CDH3: variants seen among roughly 807,000 people sequenced by gnomAD.
CDH3 encodes cadherin-3.
Under a neutral mutation model 82.0 loss-of-function variants are expected in CDH3, and 54 were observed. The ratio of observed to expected loss-of-function variants is 0.66; its 90% confidence interval spans 0.53 to 0.83. CDH3 has a LOEUF of 0.83. Among genes scored for constraint, CDH3 ranks in the 40% least tolerant of loss-of-function variants. The pLI, the probability that CDH3 is intolerant of heterozygous loss-of-function variation, is 0.00. For synonymous variants in CDH3, 446 were observed against 437.9 expected, an observed-to-expected ratio of 1.02 and a Z score of -0.23; for missense variants, 1,054 against 1,084.6, an observed-to-expected ratio of 0.97 and a Z score of 0.40.
chr16:68,699,065 T>C lies in CDH3; in HGVS notation c.*665T>C, dbSNP rs1961835490. The C allele has an allele frequency of 6.6e-6, 1 of 152,408 alleles. No individual in the cohort carries two copies. Among genetic ancestry groups the C allele is most frequent in the South Asian group, 2.1e-4 (1 of 4,830 alleles). 9.4% of individuals were successfully genotyped at this position (152,408 alleles called of 1,614,324 possible). On this transcript the variant is annotated 3_prime_UTR_variant, in exon 16 of 16. Coordinates refer to ENST00000264012, the MANE Select transcript of CDH3 (RefSeq NM_001793.6). ...GGTGCCTGGGGAGTGAACTGTTTTC[T>C]AAATAGAAGGTTTATTGGCATCTAA... is the stretch of plus-strand genomic sequence containing the variant.
chr16:68,690,370 A>G (rs1381649413), intron 12 of CDH3, among the ~76,000 whole-genome samples: 1 of 152,226 alleles, frequency 6.6e-6, no homozygotes, highest in Non-Finnish European at 1.5e-5. Flanking sequence ...CTGTAATCCC[A>G]GCACTTTGGG....
At chr16:68,655,116 A>G (rs961435638) in intron 2 of CDH3, among the ~76,000 whole-genome samples, 12 of 152,114 alleles carry the variant, frequency 7.9e-5, no homozygotes, top group Non-Finnish European at 1.6e-4. Flanking sequence ...GCCTCAAGCA[A>G]TCGTCTTGCC....
chr16:68,694,047 G>A (rs1436888080), intron 13 of CDH3, among the ~76,000 whole-genome samples: 2 of 152,130 alleles, frequency 1.3e-5, no homozygotes, highest in Non-Finnish European at 2.9e-5. Context: ...CTGAGGTCAG[G>A]AGTTAGAGAC....
chr16:68,672,216 A>ATAAAT (rs1555505652), intron 2 of CDH3, among the ~76,000 whole-genome samples: 1 of 141,602 alleles, frequency 7.1e-6, no homozygotes, highest in Non-Finnish European at 1.6e-5. Context: ...AAATAAATAA[A>ATAAAT]AAATAAAAAA....
chr16:68,669,354 A>C (rs926127935), intron 2 of CDH3, among the ~76,000 whole-genome samples: 1 of 152,184 alleles, frequency 6.6e-6, no homozygotes, highest in Non-Finnish European at 1.5e-5. Context: ...TGATGGGGCC[A>C]GCTCCTCAGA....
Position 68,679,809 on chromosome 16 carries a change from G to A in CDH3, c.702G>A (p.Val234=), listed in dbSNP as rs747069696. 3 of 1,611,322 alleles carry A rather than the reference G, an allele frequency of 1.9e-6. No homozygotes were observed. Among genetic ancestry groups the A allele is most frequent in the Non-Finnish European group, 1.7e-6 (2 of 1,178,114 alleles). Residue 234 remains valine, a synonymous_variant, in exon 7 of 16, where the codon GTG becomes GTA. Transcript: ENST00000264012. ...ATCCCTTCTCTCCAGGTACTTCTGT[G>A]ATGCAGGTGACAGCCACGGATGAGG... ...VLEGVLPGTS[V]MQVTATDEDD...
chr16:68,669,482 G>A (rs1960827581), intron 2 of CDH3, among the ~76,000 whole-genome samples: 1 of 152,056 alleles, frequency 6.6e-6, no homozygotes, highest in Non-Finnish European at 1.5e-5. Context: ...CCCAGATACT[G>A]TGCTACAAAT....
intron 9 of CDH3, among the ~76,000 whole-genome samples, chr16:68,682,707 T>C (rs1264697384): frequency 6.6e-6 from 1 of 152,194 alleles, no homozygotes; most frequent in Non-Finnish European, 1.5e-5. Flanking sequence ...CACTGATTAA[T>C]TGAAGCACAT....
chr16:68,691,794 C>G lies in CDH3; in HGVS notation c.1870C>G (p.His624Asp). Residue 624 changes from histidine (H) to aspartate (D), a missense_variant, in exon 13 of 16, where the codon CAT (histidine) becomes GAT (aspartate). Coordinates refer to ENST00000264012, the MANE Select transcript of CDH3 (RefSeq NM_001793.6). Reference protein sequence around the residue: ...TYDVHLSLSDHGNKEQLTVIR... With the variant: ...TYDVHLSLSDDGNKEQLTVIR... ...TGACGTGCACCTTTCTCTGTCTGAC[C>G]ATGGCAACAAAGAGCAGCTGACGGT... The G allele has an allele frequency of 6.2e-7, 1 of 1,614,134 alleles. No homozygotes were observed. Among genetic ancestry groups the G allele is most frequent in the African/African-American group, 1.3e-5 (1 of 75,034 alleles).
intron 15 of CDH3, chr16:68,696,773 G>A (rs1211076276): frequency 1.3e-5 from 2 of 152,944 alleles, no homozygotes; most frequent in Non-Finnish European, 2.9e-5. Flanking sequence ...CTTGGCGGTC[G>A]GGTATGAGGC....
rs1204262916 is a variant in CDH3 at position 68,699,549 on chromosome 16, T to A, written c.*1149T>A. 6.6e-6 allele frequency: 1 copy of A among 151,452 alleles called. No homozygotes were observed. Among genetic ancestry groups the A allele is most frequent in the Non-Finnish European group, 1.5e-5 (1 of 68,000 alleles). 9.4% of individuals were successfully genotyped at this position (151,452 alleles called of 1,614,324 possible). A position where few individuals can be genotyped will look rare whatever the true frequency, so the allele number is the denominator to read the frequency against. The stretch of plus-strand genomic sequence containing the variant: ...CCCAGGCTGGAGTGCAGTGGTGTGA[T>A]CTTGGCTCACTGCAAGCTCTGCCTC... On this transcript the variant is annotated 3_prime_UTR_variant, in exon 16 of 16. Transcript: ENST00000264012.
At chr16:68,677,796 C>G (rs960476325) in intron 3 of CDH3, among the ~76,000 whole-genome samples, 2 of 152,174 alleles carry the variant, frequency 1.3e-5, no homozygotes, top group African/African-American at 4.8e-5. Context: ...AGAGCATACT[C>G]ATTCTTATTT....
At chr16:68,672,406 G>A (rs916308799) in intron 2 of CDH3, among the ~76,000 whole-genome samples, 1 of 152,120 alleles carries the variant, frequency 6.6e-6, no homozygotes, top group African/African-American at 2.4e-5. Flanking sequence ...AACCTATGGA[G>A]TAAGTGCCCC....
At chr16:68,706,711 C>A (rs1328287558) in intron 1 of CDH3, among the ~76,000 whole-genome samples, 1 of 152,020 alleles carries the variant, frequency 6.6e-6, no homozygotes, top group Non-Finnish European at 1.5e-5. Flanking sequence ...CAACACCACA[C>A]CCAGCTAATC....
downstream of CDH3, among the ~76,000 whole-genome samples, chr16:68,704,911 G>T (rs114595972): frequency 0.016 from 2,504 of 152,018 alleles, 50 homozygotes; most frequent in African/African-American, 0.048. Context: ...AATTTTTTTT[G>T]ATTCATCTGA....
At position 68,684,691 on chromosome 16, in the gene CDH3, G is replaced by A. The variant is rs373094389; in HGVS notation, c.1291G>A (p.Val431Met). The stretch of plus-strand genomic sequence containing the variant: ...CTCCACAGCCACCATAGTGGTCCAC[G>A]TGGAGGATGTGAATGAGGCACCTGT... ...PTSTATIVVHVEDVNEAPVFV... is the reference protein window; with the variant it reads ...PTSTATIVVHMEDVNEAPVFV... Residue 431 changes from valine to methionine, a missense_variant, in exon 10 of 16, where the codon GTG (valine) becomes ATG (methionine). Physicochemically the swap from Val to Met is conservative, Grantham distance 21. Transcript: ENST00000264012. 22 of 1,614,094 alleles carry A rather than the reference G, an allele frequency of 1.4e-5. No individual in the cohort carries two copies. The highest frequency in any genetic ancestry group is 3.3e-5 in the Admixed American group (2 of 60,000).
intron 2 of CDH3, among the ~76,000 whole-genome samples, chr16:68,674,489 T>G (rs910147213): frequency 2.6e-5 from 4 of 152,156 alleles, no homozygotes; most frequent in Non-Finnish European, 5.9e-5. Flanking sequence ...TCCCAGTGCT[T>G]TGGGAAGCCA....
intron 2 of CDH3, among the ~76,000 whole-genome samples, chr16:68,668,170 A>G (rs1166741661): frequency 6.6e-6 from 1 of 152,200 alleles, no homozygotes; most frequent in Non-Finnish European, 1.5e-5. Context: ...GTGTGGAAGA[A>G]AGAGCTATGT....
downstream of CDH3, among the ~76,000 whole-genome samples, chr16:68,732,270 G>C (rs1216211137): frequency 6.6e-6 from 1 of 152,086 alleles, no homozygotes; most frequent in Non-Finnish European, 1.5e-5. Flanking sequence ...AGTTTCTCTG[G>C]GGATTCCTCC....
Sources: allele counts gnomAD v4.1 joint callset (sites outside exome capture counted in the v4.1 genomes callset), GRCh38; gene constraint gnomAD v4.1.1; transcripts MANE v1.5; gene names NCBI Gene and HGNC (gene_info 2026-07-23, HGNC 2026-07-21).